Variants in IPCEF1 observed in about 807,000 individuals in gnomAD.
IPCEF1 encodes the protein interaction protein for cytohesin exchange factors 1, also known as interactor protein for cytohesin exchange factors 1.
In IPCEF1, 31 loss-of-function variants were observed where a neutral mutation model predicts 50.9. That is an observed-to-expected ratio of 0.61 (90% CI 0.46 to 0.82). IPCEF1 has a LOEUF of 0.82. Among genes scored for constraint, IPCEF1 ranks in the 40% least tolerant of loss-of-function variants. The pLI is 0.00. For missense variants in IPCEF1, 458 were observed against 514.0 expected, an observed-to-expected ratio of 0.89 and a Z score of 1.05; for synonymous variants, 181 against 192.0, an observed-to-expected ratio of 0.94 and a Z score of 0.47.
At chr6:154,207,895 G>T (rs771523131) in intron 9 of IPCEF1, among the ~76,000 whole-genome samples, 72 of 152,144 alleles carry the variant, frequency 4.7e-4, no homozygotes, top group Admixed American at 1.9e-3. Flanking sequence ...TCTCATATTT[G>T]ATCTGCCTAT....
intron 1 of IPCEF1, among the ~76,000 whole-genome samples, chr6:154,304,701 C>A (rs1410699527): frequency 6.6e-6 from 1 of 152,188 alleles, no homozygotes; most frequent in East Asian, 1.9e-4. Context: ...AGGCTCTCTG[C>A]TGACCTAATA....
intron 11 of IPCEF1, among the ~76,000 whole-genome samples, chr6:154,164,515 GCTTTT>G (rs1799271637): frequency 6.6e-6 from 1 of 152,224 alleles, no homozygotes; most frequent in Non-Finnish European, 1.5e-5. Flanking sequence ...GGCGCATGAG[GCTTTT>G]GGAGGGCTTT....
At chr6:154,194,052 C>T (rs377315987) in intron 10 of IPCEF1, among the ~76,000 whole-genome samples, 5 of 152,144 alleles carry the variant, frequency 3.3e-5, no homozygotes, top group African/African-American at 9.7e-5. Context: ...GTACACCTAG[C>T]GTACTTAACG....
chr6:154,291,629 T>C (rs1379312524), intron 1 of IPCEF1, among the ~76,000 whole-genome samples: 2 of 149,584 alleles, frequency 1.3e-5, no homozygotes, highest in Non-Finnish European at 3.0e-5. Context: ...ATGTACCTCC[T>C]AAGAGCAATG....
At chr6:154,187,400 T>C (rs997860872) in intron 10 of IPCEF1, among the ~76,000 whole-genome samples, 5 of 152,210 alleles carry the variant, frequency 3.3e-5, no homozygotes, top group African/African-American at 1.2e-4. Context: ...GGCTGTTTAT[T>C]TTGGCTTTCG....
chr6:154,207,923 A>T (rs931880588), intron 9 of IPCEF1, among the ~76,000 whole-genome samples: 2 of 152,208 alleles, frequency 1.3e-5, no homozygotes, highest in Non-Finnish European at 2.9e-5. Context: ...TCTACCTTCC[A>T]AACGGATTCA....
intron 1 of IPCEF1, among the ~76,000 whole-genome samples, chr6:154,323,779 C>T (rs949941266): frequency 6.6e-6 from 1 of 152,128 alleles, no homozygotes; most frequent in Admixed American, 6.6e-5. Context: ...ATGGTGAAAC[C>T]CTGTCTCTAC....
At chr6:154,169,696 G>A (rs907372220) in intron 10 of IPCEF1, among the ~76,000 whole-genome samples, 4 of 152,054 alleles carry the variant, frequency 2.6e-5, no homozygotes, top group Non-Finnish European at 4.4e-5. Flanking sequence ...TGCCAGCCTC[G>A]GCCCACATGA....
At chr6:154,164,502 G>C (rs1005844613) in intron 11 of IPCEF1, among the ~76,000 whole-genome samples, 4 of 152,202 alleles carry the variant, frequency 2.6e-5, no homozygotes, top group Non-Finnish European at 4.4e-5. Context: ...GCTTCTCCTG[G>C]ATGGCGCATG....
chr6:154,281,555 T>G (rs1352683586), intron 2 of IPCEF1, among the ~76,000 whole-genome samples: 1 of 151,808 alleles, frequency 6.6e-6, no homozygotes, highest in Non-Finnish European at 1.5e-5. Context: ...ATTTTAGTTT[T>G]CCTTGAAGTG....
chr6:154,354,506 T>TCTCCTCCACAAC (rs1584018981), intron 1 of IPCEF1, among the ~76,000 whole-genome samples: 6 of 36,798 alleles, frequency 1.6e-4, no homozygotes, highest in Admixed American at 3.0e-4. Flanking sequence ...ACTTCCACCA[T>TCTCCTCCACAAC]CACCTCTACC....
intron 10 of IPCEF1, among the ~76,000 whole-genome samples, chr6:154,180,414 A>ATATATATATATATATTTT (rs1241250621): frequency 1.5e-5 from 1 of 65,270 alleles, no homozygotes; most frequent in African/African-American, 4.8e-5. Flanking sequence ...ATATATATAT[A>ATATATATATATATATTTT]TTTTTTTTTT....
At chr6:154,226,615 CAA>C (rs918840054) in intron 5 of IPCEF1, among the ~76,000 whole-genome samples, 2 of 152,128 alleles carry the variant, frequency 1.3e-5, no homozygotes, top group African/African-American at 4.8e-5. Flanking sequence ...TGAATTACCG[CAA>C]AAGTCTCCTC....
chr6:154,302,495 A>AG (rs1782821971), intron 1 of IPCEF1, among the ~76,000 whole-genome samples: 1 of 151,488 alleles, frequency 6.6e-6, no homozygotes, highest in East Asian at 1.9e-4. Flanking sequence ...TTAGTGGGGG[A>AG]AGGGGGTTTT....
At chr6:154,241,443 C>T (rs1031577118) in intron 5 of IPCEF1, among the ~76,000 whole-genome samples, 2 of 151,954 alleles carry the variant, frequency 1.3e-5, no homozygotes, top group Non-Finnish European at 1.5e-5. Context: ...AAAAAGTAAG[C>T]GACGGTGAAT....
chr6:154,205,943 C>T (rs1409644324), intron 9 of IPCEF1, among the ~76,000 whole-genome samples: 3 of 152,092 alleles, frequency 2.0e-5, no homozygotes, highest in Non-Finnish European at 4.4e-5. Flanking sequence ...CCTGGCTATG[C>T]TGCAGCCTTC....
At chr6:154,294,841 C>G (rs1028357405) in intron 1 of IPCEF1, among the ~76,000 whole-genome samples, 5 of 152,114 alleles carry the variant, frequency 3.3e-5, no homozygotes, top group Admixed American at 2.6e-4. Flanking sequence ...AGTTCAAGAT[C>G]ACCCTGGACA....
In IPCEF1 at chr6:154,338,380, T is replaced by C. The variant is rs922430725; in HGVS notation, c.-62+18292A>G. Among the ~76,000 whole-genome samples, 5 of 152,284 alleles carry C rather than the reference T, an allele frequency of 3.3e-5. No homozygotes were observed. In the South Asian group the frequency reaches 6.2e-4, roughly 19 times the overall value. ...ACTGAGAGCCAAAGAGTTTCGGTGATTTTCCAAATGTGTCCATCTTGTTAG... is the reference window on the plus strand; with the variant it reads ...ACTGAGAGCCAAAGAGTTTCGGTGACTTTCCAAATGTGTCCATCTTGTTAG... On this transcript the variant is annotated intron_variant, in intron 1 of 11. Coordinates refer to ENST00000367220, the MANE Select transcript of IPCEF1 (RefSeq NM_001130700.2).
At chr6:154,182,161 C>T (rs1437695612) in intron 10 of IPCEF1, among the ~76,000 whole-genome samples, 1 of 152,154 alleles carries the variant, frequency 6.6e-6, no homozygotes, top group Non-Finnish European at 1.5e-5. Flanking sequence ...AATGTTTTTA[C>T]TTGTGCTCTC....
Sources: gnomAD v4.1 joint callset for allele counts (sites outside exome capture counted in the v4.1 genomes callset) on GRCh38, gnomAD v4.1.1 for gene constraint, MANE v1.5 for transcripts, NCBI Gene and HGNC (gene_info 2026-07-23, HGNC 2026-07-21) for gene names.